Variants in STAU1 observed in about 807,000 individuals in gnomAD.
The protein encoded by STAU1 is staufen double-stranded RNA binding protein 1, also known as double-stranded RNA-binding protein Staufen homolog 1.
In STAU1, 13 loss-of-function variants were observed where a neutral mutation model predicts 62.9. The ratio of observed to expected loss-of-function variants is 0.21; its 90% CI spans 0.13 to 0.33. The LOEUF is 0.33. STAU1 is among the 10% of genes least tolerant of loss of function. The pLI is 1.00. For missense variants in STAU1, 571 were observed against 712.1 expected, an observed-to-expected ratio of 0.80 and a Z score of 2.25; for synonymous variants, 269 against 265.1, an observed-to-expected ratio of 1.01 and a Z score of -0.14.
chr20:49,158,362 A>G, intron 3 of STAU1: 1 of 1,024,198 alleles, frequency 9.8e-7, no homozygotes, highest in Admixed American at 2.6e-5. Flanking sequence ...CTTACAAATA[A>G]TTTACAAGGG....
chr20:49,136,168 G>A (rs1364653000), intron 5 of STAU1, among the ~76,000 whole-genome samples: 4 of 152,154 alleles, frequency 2.6e-5, no homozygotes, highest in African/African-American at 9.7e-5. Flanking sequence ...TGTGGTGGTG[G>A]TACATGCCTG....
chr20:49,135,070 G>A, intron 6 of STAU1: 1 of 1,178,364 alleles, frequency 8.5e-7, no homozygotes, highest in South Asian at 1.2e-5. Flanking sequence ...TTTCCAGCAA[G>A]ATGTACACAA....
chr20:49,123,351 A>AT, intron 7 of STAU1, 116 bp from the exon 8 acceptor site: 2 of 1,253,344 alleles, frequency 1.6e-6, no homozygotes, highest in Non-Finnish European at 2.3e-6. Flanking sequence ...AATGGCTCAG[A>AT]ATTCGATTTT....
chr20:49,115,367 G>C (rs534213241), intron 13 of STAU1, among the ~76,000 whole-genome samples: 1 of 151,980 alleles, frequency 6.6e-6, no homozygotes, highest in African/African-American at 2.4e-5. Context: ...GTGGCGCTAT[G>C]TCGGCTCACT....
At chr20:49,121,416 A>AC (rs778411673) in intron 8 of STAU1, among the ~76,000 whole-genome samples, 86 of 152,250 alleles carry the variant, frequency 5.6e-4, no homozygotes, top group Middle Eastern at 3.4e-3. Flanking sequence ...ATTCCCCTCT[A>AC]CCCCAAAAAA....
At chr20:49,118,151 C>T (rs1345193305) in intron 10 of STAU1, 55 bp from the exon 11 acceptor site, 1 of 1,552,906 alleles carries the variant, frequency 6.4e-7, no homozygotes, top group Non-Finnish European at 8.8e-7. Context: ...TGGAAAAACG[C>T]AATGACACCA....
the STAU1 span, among the ~76,000 whole-genome samples, chr20:49,196,444 C>CAAAAAAAAAAAA: frequency 6.6e-5 from 6 of 91,484 alleles, no homozygotes; most frequent in Non-Finnish European, 9.6e-5. Context: ...CAAAACAAAA[C>CAAAAAAAAAAAA]AAAAAAAAAA....
At chr20:49,121,165 G>A (rs1247954608) in intron 8 of STAU1, among the ~76,000 whole-genome samples, 1 of 152,120 alleles carries the variant, frequency 6.6e-6, no homozygotes, top group East Asian at 1.9e-4. Context: ...CCAGCACTTT[G>A]GGAGGCTGAG....
At chr20:49,214,453 A>C in the STAU1 span, among the ~76,000 whole-genome samples, 4 of 148,546 alleles carry the variant, frequency 2.7e-5, no homozygotes, top group East Asian at 4.1e-4. Context: ...GGGAGGCAGA[A>C]GTTGTAGTGA....
chr20:49,189,426 G>T (rs1334228964), upstream of STAU1, among the ~76,000 whole-genome samples: 1 of 151,064 alleles, frequency 6.6e-6, no homozygotes, highest in African/African-American at 2.4e-5. Context: ...CCTGAGGTCA[G>T]GAGTTCGAGA....
At chr20:49,137,832 A>ATTTTTTTTTTTTT (rs34370524) in intron 5 of STAU1, among the ~76,000 whole-genome samples, 1 of 128,436 alleles carries the variant, frequency 7.8e-6, no homozygotes, top group Non-Finnish European at 1.6e-5. Context: ...CACCCGGCTA[A>ATTTTTTTTTTTTT]TTTTTTTTTT....
chr20:49,167,062 C>T (rs2093536662), intron 2 of STAU1, among the ~76,000 whole-genome samples: 1 of 152,098 alleles, frequency 6.6e-6, no homozygotes, highest in South Asian at 2.1e-4. Flanking sequence ...TGGGGGAGCA[C>T]TGGAGCTTGT....
At chr20:49,158,345 T>C in intron 3 of STAU1, 1 of 883,940 alleles carries the variant, frequency 1.1e-6, no homozygotes, top group South Asian at 1.4e-5. Flanking sequence ...AATATCACTT[T>C]ATCTCACTTA....
At position 49,140,118 on chromosome 20, in the gene STAU1, G is replaced by A. The variant is rs113581035; in HGVS notation, c.511-4187C>T. On this transcript the variant is annotated intron_variant, in intron 5 of 13. Transcript: ENST00000371856. ...GGAGAATCGCTTGAACCCAGGAGGC[G>A]GAGGTTGCAGTGAGCCGAGATCACG... Among the ~76,000 whole-genome samples, 31 of 151,864 alleles carry A rather than the reference G, an allele frequency of 2.0e-4. 2 individuals carry two copies. The highest frequency in any genetic ancestry group is 5.1e-4 in the African/African-American group (21 of 41,410).
At chr20:49,187,963 T>C (rs1278777496) in intron 1 of STAU1, among the ~76,000 whole-genome samples, 153 bp downstream of exon 1, 1 of 151,462 alleles carries the variant, frequency 6.6e-6, no homozygotes, top group African/African-American at 2.4e-5. Context: ...ACCCGCCTCC[T>C]CCGGGAAGGC....
intron 2 of STAU1, among the ~76,000 whole-genome samples, chr20:49,167,138 C>A (rs78919084): frequency 6.6e-6 from 1 of 152,138 alleles, no homozygotes; most frequent in African/African-American, 2.4e-5. Flanking sequence ...AATTTCTTCA[C>A]GAGACAAAAA....
chr20:49,133,829 C>G (rs1480509341), intron 6 of STAU1, among the ~76,000 whole-genome samples: 1 of 152,082 alleles, frequency 6.6e-6, no homozygotes, highest in Non-Finnish European at 1.5e-5. Flanking sequence ...AGTAGGGAGC[C>G]CTGGCAACTA....
intron 2 of STAU1, among the ~76,000 whole-genome samples, chr20:49,169,117 A>C (rs982520047): frequency 1.3e-5 from 2 of 151,786 alleles, no homozygotes; most frequent in African/African-American, 4.8e-5. Flanking sequence ...CACCCGGCTA[A>C]TTTTGTATTT....
chr20:49,126,470 A>G (rs975862345), intron 6 of STAU1, among the ~76,000 whole-genome samples: 4 of 150,950 alleles, frequency 2.6e-5, no homozygotes, highest in Non-Finnish European at 5.9e-5. Flanking sequence ...TGGGAGGCTA[A>G]AACAGGAGGA....
Sources: gnomAD v4.1 joint callset for allele counts (sites outside exome capture counted in the v4.1 genomes callset) on GRCh38, gnomAD v4.1.1 for gene constraint, MANE v1.5 for transcripts, NCBI Gene and HGNC (gene_info 2026-07-23, HGNC 2026-07-21) for gene names.